Variants in CDH17 observed in about 807,000 individuals in gnomAD.
The protein encoded by CDH17 is cadherin 17.
In CDH17, 67 loss-of-function variants were observed where a neutral mutation model predicts 86.3. The observed-to-expected ratio is 0.78, with a 90% CI of 0.64 to 0.95. The LOEUF (loss-of-function observed/expected upper bound fraction) is 0.95. CDH17 is among the 40% of genes least tolerant of loss of function. CDH17 has a pLI of 0.00. For synonymous variants in CDH17, 367 were observed against 366.4 expected (o/e 1.00, Z -0.02); for missense variants, 993 against 1,017.6 (o/e 0.98, Z 0.33).
intron 15 of CDH17, among the ~76,000 whole-genome samples, chr8:94,136,553 A>G (rs973794252): frequency 6.6e-6 from 1 of 151,924 alleles, no homozygotes; most frequent in Admixed American, 6.6e-5. Flanking sequence ...ACCCTTTTTC[A>G]AGGTTTTTAG....
chr8:94,176,498 C>A (rs1388057765), intron 5 of CDH17, 43 bp downstream of exon 5: 2 of 1,607,966 alleles, frequency 1.2e-6, no homozygotes, highest in Non-Finnish European at 1.7e-6. Context: ...CCACCTGACA[C>A]CCTTCCATCT....
intron 3 of CDH17, among the ~76,000 whole-genome samples, chr8:94,184,213 G>A (rs1295252267): frequency 2.0e-5 from 3 of 151,810 alleles, no homozygotes; most frequent in Non-Finnish European, 2.9e-5. Flanking sequence ...CTGAGTGTGT[G>A]TGTGTGTTTG....
upstream of CDH17, among the ~76,000 whole-genome samples, chr8:94,208,957 A>T (rs1454552674): frequency 3.3e-5 from 5 of 152,204 alleles, no homozygotes; most frequent in African/African-American, 1.2e-4. Context: ...AACACAAAAG[A>T]CGGAGCAGGG....
intron 1 of CDH17, among the ~76,000 whole-genome samples, chr8:94,203,651 A>C (rs1813965053): frequency 6.6e-6 from 1 of 152,244 alleles, no homozygotes. Flanking sequence ...CCGCAGAAGC[A>C]TCTGACCAAT....
chr8:94,210,758 C>T (rs573680665), upstream of CDH17, among the ~76,000 whole-genome samples: 33 of 152,238 alleles, frequency 2.2e-4, 1 homozygote, highest in South Asian at 5.4e-3. Flanking sequence ...CAGTGGCTCA[C>T]ACCTGTAATC....
chr8:94,176,823 G>C (rs1813383935), intron 4 of CDH17, 144 bp from the exon 5 acceptor site: 1 of 732,676 alleles, frequency 1.4e-6, no homozygotes, highest in East Asian at 2.7e-5. Flanking sequence ...GCCAAATTGG[G>C]AAATGCTAAA....
In CDH17 at chr8:94,177,727, G is replaced by A. The variant is rs138007982; in HGVS notation, c.151-6C>T. The A allele has an allele frequency of 1.3e-5, 21 of 1,605,072 alleles. No homozygotes were observed. The Admixed American group carries it at 2.4e-4, about 19-fold the overall frequency. On this transcript the variant is annotated splice_region_variant and splice_polypyrimidine_tract_variant and intron_variant, in intron 3 of 17. Coordinates refer to ENST00000027335, the MANE Select transcript of CDH17 (RefSeq NM_004063.4). ...GCAGGAGGATTGGCCTTAAACTGGGGAAAAAGCAAAAAACAGATTAAGTTG... is the reference window on the plus strand; with the variant it reads ...GCAGGAGGATTGGCCTTAAACTGGGAAAAAAGCAAAAAACAGATTAAGTTG...
intron 15 of CDH17, among the ~76,000 whole-genome samples, chr8:94,144,121 C>G (rs1391862464): frequency 6.6e-6 from 1 of 152,100 alleles, no homozygotes; most frequent in African/African-American, 2.4e-5. Context: ...CACTTACATG[C>G]CATTTTAAGG....
upstream of CDH17, among the ~76,000 whole-genome samples, chr8:94,210,300 T>C (rs73266294): frequency 0.014 from 2,042 of 146,602 alleles, 27 homozygotes; most frequent in East Asian, 0.035. Flanking sequence ...TGTTGGAAGA[T>C]GGCCAAGTTC....
intron 12 of CDH17, among the ~76,000 whole-genome samples, chr8:94,157,241 AAC>A (rs1812964632): frequency 6.6e-6 from 1 of 152,236 alleles, no homozygotes; most frequent in Non-Finnish European, 1.5e-5. Context: ...AAAAATTATT[AAC>A]ACAGTGGTTC....
chr8:94,209,906 C>CT (rs1392446174), upstream of CDH17, among the ~76,000 whole-genome samples: 38 of 141,252 alleles, frequency 2.7e-4, no homozygotes, highest in Admixed American at 1.0e-3. Context: ...TAATAAAGTG[C>CT]TTTTAAATTT....
At chr8:94,143,631 A>G (rs1009085912) in intron 15 of CDH17, among the ~76,000 whole-genome samples, 5 of 152,332 alleles carry the variant, frequency 3.3e-5, no homozygotes, top group Non-Finnish European at 7.3e-5. Context: ...CACTTTCATT[A>G]AGGATCTCAG....
At position 94,217,097 on chromosome 8, in the gene CDH17, G is replaced by A. The variant is rs146960225; in HGVS notation, c.-21+101C>T. On this transcript the variant is annotated intron_variant, in intron 1 of 17. Transcript: ENST00000450165. ...AATCGATTCTCTCAGATTTGAATCC[G>A]GATCTGATTCAAAAAATAATAAGAA... is the stretch of plus-strand genomic sequence containing the variant. 92 of 151,624 alleles carry A rather than the reference G, an allele frequency of 6.1e-4. No individual in the cohort carries two copies. In the East Asian group the frequency reaches 0.017, roughly 29 times the overall value. The allele number at this position is 151,624 out of a possible 1,614,324, so 9.4% of individuals were successfully genotyped here. A position where few individuals can be genotyped will look rare whatever the true frequency, so the allele number is the denominator to read the frequency against.
intron 1 of CDH17, among the ~76,000 whole-genome samples, chr8:94,199,218 T>C (rs1813858846): frequency 6.6e-6 from 1 of 151,782 alleles, no homozygotes; most frequent in South Asian, 2.1e-4. Context: ...TCATCAGATG[T>C]TGGGTAAATT....
At position 94,177,866 on chromosome 8, in the gene CDH17, A is replaced by G. The variant is rs540992422; in HGVS notation, c.151-145T>C. 1.7e-3 allele frequency: 1,239 copies of G among 735,498 alleles called. 2 individuals are homozygous for G. The highest frequency in any genetic ancestry group is 2.5e-3 in the Non-Finnish European group (1,132 of 453,438). 45.6% of individuals were successfully genotyped at this position (735,498 alleles called of 1,614,324 possible). A position where few individuals can be genotyped will look rare whatever the true frequency, so the allele number is the denominator to read the frequency against. On this transcript the variant is annotated intron_variant, in intron 3 of 17. Transcript: ENST00000027335. ...TCAACTTTTAAAGTGGTACCTTCTA[A>G]AAGTTTGTTTGCACAATAACTGTGT...
chr8:94,164,104 C>T (rs752063998), intron 10 of CDH17, among the ~76,000 whole-genome samples: 1 of 152,172 alleles, frequency 6.6e-6, no homozygotes, highest in Non-Finnish European at 1.5e-5. Context: ...ATCTGATTCC[C>T]ACTTTAAACT....
intron 3 of CDH17, among the ~76,000 whole-genome samples, chr8:94,187,248 T>A (rs186513161): frequency 6.6e-6 from 1 of 152,204 alleles, no homozygotes; most frequent in African/African-American, 2.4e-5. Flanking sequence ...AAAATAAACA[T>A]AAACAAATAA....
In CDH17 at chr8:94,170,932, C is replaced by T; in HGVS notation, c.837G>A (p.Leu279=). The T allele has an allele frequency of 6.2e-7, 1 of 1,613,882 alleles. No individual in the cohort carries two copies. The highest frequency in any genetic ancestry group is 8.5e-7 in the Non-Finnish European group (1 of 1,179,860). Residue 279 remains leucine, a synonymous_variant, in exon 8 of 18, where the codon CTG becomes CTA. Coordinates refer to ENST00000027335, the MANE Select transcript of CDH17 (RefSeq NM_004063.4). The part of the protein sequence containing the change: ...AQYSLVDKEK[L]PRFPFSIDQE... ...GGTCAATTGAAAATGGGAATCTTGG[C>T]AGCTTCTCTTTGTCAACTAAGGAAT...
At chr8:94,163,243 C>A (rs1813091973) in intron 10 of CDH17, among the ~76,000 whole-genome samples, 1 of 152,248 alleles carries the variant, frequency 6.6e-6, no homozygotes, top group Non-Finnish European at 1.5e-5. Context: ...CAGGGTCACA[C>A]AACTAACTAG....
Sources: gnomAD v4.1 joint callset for allele counts (sites outside exome capture counted in the v4.1 genomes callset) on GRCh38, gnomAD v4.1.1 for gene constraint, MANE v1.5 for transcripts, NCBI Gene and HGNC (gene_info 2026-07-23, HGNC 2026-07-21) for gene names.